Variants in DCK observed in about 807,000 individuals in gnomAD.
DCK encodes deoxyadenosine kinase.
In DCK, 23 loss-of-function variants were observed where a neutral mutation model predicts 38.3. The ratio of observed to expected loss-of-function variants is 0.60; its 90% confidence interval spans 0.43 to 0.85. The LOEUF is 0.85. Ranked by LOEUF, DCK falls within the 40% of genes least tolerant of loss-of-function variation. The pLI is 0.00. For missense variants in DCK, 259 were observed against 304.4 expected (o/e 0.85, Z 1.11); for synonymous variants, 108 against 100.6 (o/e 1.07, Z -0.44).
intron 2 of DCK, among the ~76,000 whole-genome samples, chr4:71,014,663 A>G (rs2148916561): frequency 6.6e-6 from 1 of 152,366 alleles, no homozygotes; most frequent in South Asian, 2.1e-4. Context: ...CCTGCTCCTG[A>G]ATGACTACTG....
At chr4:70,996,224 G>A (rs1297742363) in intron 1 of DCK, among the ~76,000 whole-genome samples, 1 of 149,102 alleles carries the variant, frequency 6.7e-6, no homozygotes, top group Admixed American at 6.7e-5. Context: ...AAAAAAGCCA[G>A]TTGTGTTAGC....
At chr4:71,024,764 A>G (rs566607978) in intron 4 of DCK, among the ~76,000 whole-genome samples, 1 of 152,230 alleles carries the variant, frequency 6.6e-6, no homozygotes, top group South Asian at 2.1e-4. Flanking sequence ...TGTGAAAAAG[A>G]ACATAAGGAA....
chr4:71,029,451 A>G lies in DCK; in HGVS notation c.*73A>G. The G allele has an allele frequency of 9.0e-7, 1 of 1,109,582 alleles. No homozygotes were observed. 68.7% of individuals were successfully genotyped at this position (1,109,582 alleles called of 1,614,324 possible). A position where few individuals can be genotyped will look rare whatever the true frequency, so the allele number is the denominator to read the frequency against. On this transcript the variant is annotated 3_prime_UTR_variant, in exon 7 of 7. Coordinates refer to ENST00000286648, the MANE Select transcript of DCK (RefSeq NM_000788.3). ...TTGTGTATCTTCGTAACTTCATATT[A>G]ATATAAGTTTCTTTAGAAAACCCAA...
intron 2 of DCK, among the ~76,000 whole-genome samples, chr4:71,002,833 A>G (rs950864909): frequency 7.9e-5 from 12 of 151,192 alleles, no homozygotes; most frequent in African/African-American, 2.9e-4. Flanking sequence ...CCATCCCTTT[A>G]TTTTGAGCCT....
chr4:71,025,937 A>G lies in DCK; in HGVS notation c.665+6A>G, dbSNP rs777869250. The stretch of plus-strand genomic sequence containing the variant: ...CTCCTGCATAGGACACTGAAGTAAG[A>G]CTTATTTTTATTTACTATTCATTTT... On this transcript the variant is annotated splice_donor_region_variant and intron_variant, in intron 5 of 6. Coordinates refer to ENST00000286648, the MANE Select transcript of DCK (RefSeq NM_000788.3). 1.3e-6 allele frequency: 2 copies of G among 1,567,452 alleles called. No individual in the cohort carries two copies. Among genetic ancestry groups the G allele is most frequent in the Non-Finnish European group, 1.7e-6 (2 of 1,163,740 alleles).
At chr4:71,011,547 G>A (rs1740091145) in intron 2 of DCK, among the ~76,000 whole-genome samples, 1 of 152,062 alleles carries the variant, frequency 6.6e-6, no homozygotes, top group Admixed American at 6.5e-5. Flanking sequence ...TATAGCGATA[G>A]GATTTTGCCA....
At chr4:71,012,929 A>G (rs532116775) in intron 2 of DCK, among the ~76,000 whole-genome samples, 83 of 152,346 alleles carry the variant, frequency 5.4e-4, no homozygotes, top group African/African-American at 1.9e-3. Flanking sequence ...ACTTTGACGA[A>G]TTGAGAGAAG....
At chr4:71,022,248 G>C in intron 2 of DCK, 119 bp from the exon 3 acceptor site, 2 of 542,288 alleles carry the variant, frequency 3.7e-6, no homozygotes, top group East Asian at 6.3e-5. Context: ...TAATCATCTT[G>C]GTTTTGCTGA....
At position 71,029,879 on chromosome 4, in the gene DCK, GT is replaced by G. The variant is rs1282896463; in HGVS notation, c.*505del. The G allele has an allele frequency of 6.5e-6, 1 of 152,954 alleles. No individual in the cohort carries two copies. Among genetic ancestry groups the G allele is most frequent in the Non-Finnish European group, 1.5e-5 (1 of 68,308 alleles). The allele number at this position is 152,954 out of a possible 1,614,324, so 9.5% of individuals were successfully genotyped here. ...GAATCCCTAGAATAAGGATTCTGAA[GT>G]TTTATTTTAAATTATTATCTTCTTA... On this transcript the variant is annotated 3_prime_UTR_variant, in exon 7 of 7. Transcript: ENST00000286648.
chr4:70,996,589 T>C (rs1165337875), intron 1 of DCK, among the ~76,000 whole-genome samples: 1 of 152,224 alleles, frequency 6.6e-6, no homozygotes, highest in Non-Finnish European at 1.5e-5. Flanking sequence ...CTTGCACTTT[T>C]GTTCATGTCT....
At chr4:71,012,166 T>A (rs939922235) in intron 2 of DCK, among the ~76,000 whole-genome samples, 1 of 152,064 alleles carries the variant, frequency 6.6e-6, no homozygotes, top group African/African-American at 2.4e-5. Context: ...CCCCACAATA[T>A]TTATATGTCA....
chr4:71,004,801 C>G (rs962546531), intron 2 of DCK, among the ~76,000 whole-genome samples: 4 of 152,124 alleles, frequency 2.6e-5, no homozygotes, highest in African/African-American at 9.7e-5. Flanking sequence ...TGGCGGGCAC[C>G]CCTCCCCCCA....
chr4:71,007,705 A>G (rs1016172626), intron 2 of DCK, among the ~76,000 whole-genome samples: 1 of 152,094 alleles, frequency 6.6e-6, no homozygotes, highest in Non-Finnish European at 1.5e-5. Flanking sequence ...ATAGTATTGA[A>G]TTTTGTTTTT....
At chr4:71,009,013 A>T (rs1740022760) in intron 2 of DCK, among the ~76,000 whole-genome samples, 1 of 152,216 alleles carries the variant, frequency 6.6e-6, no homozygotes, top group African/African-American at 2.4e-5. Context: ...AAGTGTACAG[A>T]TATACAGGAA....
chr4:71,028,800 C>T (rs1054180869), intron 6 of DCK: 4 of 311,990 alleles, frequency 1.3e-5, no homozygotes, highest in Non-Finnish European at 1.9e-5. Flanking sequence ...TCTTGTTGCC[C>T]AGGCTGGAGT....
At chr4:71,008,649 G>T (rs1175608334) in intron 2 of DCK, among the ~76,000 whole-genome samples, 2 of 152,144 alleles carry the variant, frequency 1.3e-5, no homozygotes, top group East Asian at 3.8e-4. Flanking sequence ...ACCAATGTTG[G>T]AAAATAGAGG....
intron 5 of DCK, 63 bp downstream of exon 5, chr4:71,025,994 TC>T: frequency 6.9e-7 from 1 of 1,450,766 alleles, no homozygotes; most frequent in East Asian, 2.5e-5. Flanking sequence ...TAAATTTTAA[TC>T]TAAAATTTGG....
intron 5 of DCK, 29 bp from the exon 6 acceptor site, chr4:71,026,635 AT>A (rs1182921419): frequency 9.6e-7 from 1 of 1,040,224 alleles, no homozygotes; most frequent in African/African-American, 1.6e-5. Context: ...TGAATTTCTG[AT>A]TATTTTATTA....
intron 2 of DCK, among the ~76,000 whole-genome samples, chr4:71,013,188 G>T (rs941608106): frequency 6.6e-6 from 1 of 152,184 alleles, no homozygotes; most frequent in Non-Finnish European, 1.5e-5. Flanking sequence ...ATGAAATGAA[G>T]TGAGAAGAGA....
Sources: allele counts gnomAD v4.1 joint callset (sites outside exome capture counted in the v4.1 genomes callset), GRCh38; gene constraint gnomAD v4.1.1; transcripts MANE v1.5; gene names NCBI Gene and HGNC (gene_info 2026-07-23, HGNC 2026-07-21).